Variants in DCLK1 observed in about 807,000 individuals in gnomAD.
The protein encoded by DCLK1 is serine/threonine-protein kinase DCLK1.
Under a neutral mutation model 86.2 loss-of-function variants are expected in DCLK1, and 16 were observed. That is an observed-to-expected ratio of 0.19 (90% confidence interval 0.13 to 0.28). DCLK1 has a LOEUF of 0.28. DCLK1 is among the 10% of genes least tolerant of loss of function. The pLI, the probability that DCLK1 is intolerant of heterozygous loss-of-function variation, is 1.00. For synonymous variants in DCLK1, 369 were observed against 370.5 expected (o/e 1.00, Z 0.05); for missense variants, 590 against 940.2 (o/e 0.63, Z 4.87).
At chr13:35,872,312 G>A (rs1872328076) in intron 4 of DCLK1, among the ~76,000 whole-genome samples, 1 of 152,132 alleles carries the variant, frequency 6.6e-6, no homozygotes, top group Non-Finnish European at 1.5e-5. Context: ...TTTTGTCTAT[G>A]CATTTATATA....
At chr13:36,006,815 C>T (rs1205690985) in intron 3 of DCLK1, among the ~76,000 whole-genome samples, 3 of 152,186 alleles carry the variant, frequency 2.0e-5, no homozygotes, top group Non-Finnish European at 4.4e-5. Context: ...AAGTAACTTA[C>T]AGGTTCTTAG....
chr13:35,806,797 G>A (rs184383420), intron 14 of DCLK1, among the ~76,000 whole-genome samples: 10 of 152,322 alleles, frequency 6.6e-5, no homozygotes, highest in African/African-American at 1.7e-4. Flanking sequence ...GAGCTGGACA[G>A]GTTCCTGAAG....
At chr13:36,014,604 G>T (rs940759753) in intron 3 of DCLK1, among the ~76,000 whole-genome samples, 2 of 152,110 alleles carry the variant, frequency 1.3e-5, no homozygotes, top group Non-Finnish European at 2.9e-5. Context: ...CAAACCATTT[G>T]CAATCTCTTG....
intron 3 of DCLK1, among the ~76,000 whole-genome samples, chr13:36,103,053 G>C (rs1044628364): frequency 6.6e-6 from 1 of 152,156 alleles, no homozygotes; most frequent in African/African-American, 2.4e-5. Flanking sequence ...ACACAGAGTG[G>C]GATCTGTGGG....
At chr13:35,915,683 G>A (rs1875362594) in intron 4 of DCLK1, among the ~76,000 whole-genome samples, 1 of 152,156 alleles carries the variant, frequency 6.6e-6, no homozygotes. Context: ...CAGCCTGGGT[G>A]ACCCTGAGAC....
Position 35,848,236 on chromosome 13 carries a change from A to G in DCLK1, c.1035+6263T>C, listed in dbSNP as rs554480287. On this transcript the variant is annotated intron_variant, in intron 6 of 16. Transcript: ENST00000360631. ...CCGAATTTTTTTTATAAAGAATTCT[A>G]TAAGTAACTCAATCATAAGTGCCTA... 26 of 985,138 alleles carry G rather than the reference A, an allele frequency of 2.6e-5. No homozygotes were observed. In the Middle Eastern group the frequency reaches 1.6e-3, roughly 59 times the overall value. 61.0% of individuals were successfully genotyped at this position (985,138 alleles called of 1,614,324 possible).
At chr13:36,055,317 C>A (rs1305562562) in intron 3 of DCLK1, among the ~76,000 whole-genome samples, 1 of 152,124 alleles carries the variant, frequency 6.6e-6, no homozygotes, top group African/African-American at 2.4e-5. Context: ...TGCTCCTCTG[C>A]CCTCTGTTGT....
intron 3 of DCLK1, among the ~76,000 whole-genome samples, chr13:36,050,936 A>G (rs1883100041): frequency 6.6e-6 from 1 of 152,146 alleles, no homozygotes. Context: ...AAAAAACATG[A>G]AAAGTTAAAC....
chr13:36,112,941 G>C (rs1013324725), intron 2 of DCLK1, among the ~76,000 whole-genome samples: 2 of 152,136 alleles, frequency 1.3e-5, no homozygotes, highest in African/African-American at 4.8e-5. Context: ...AAAATAATCA[G>C]ACTATTAAGT....
chr13:36,019,249 A>T (rs1038590864), intron 3 of DCLK1, among the ~76,000 whole-genome samples: 5 of 152,150 alleles, frequency 3.3e-5, no homozygotes, highest in Admixed American at 3.3e-4. Flanking sequence ...TCCTGTGATT[A>T]AAAACAAACT....
At chr13:35,930,615 CAAAAACAAACAAAAACAAA>C (rs1335954890) in intron 4 of DCLK1, among the ~76,000 whole-genome samples, 2 of 150,644 alleles carry the variant, frequency 1.3e-5, no homozygotes, top group Non-Finnish European at 2.9e-5. Flanking sequence ...AACAAACAAA[CAAAAACAAACAAAAACAAA>C]AAAAACAAAG....
At chr13:35,826,523 C>CAAAAAAA (rs533243711) in intron 10 of DCLK1, among the ~76,000 whole-genome samples, 1 of 19,820 alleles carries the variant, frequency 5.0e-5, no homozygotes, top group African/African-American at 1.3e-4. Context: ...AACTCCATCT[C>CAAAAAAA]AAAAAAAAAA....
intron 3 of DCLK1, among the ~76,000 whole-genome samples, chr13:36,106,475 G>C (rs896132265): frequency 2.6e-5 from 4 of 152,126 alleles, no homozygotes; most frequent in African/African-American, 9.7e-5. Flanking sequence ...ATTTTAATTT[G>C]ACATTTTAAA....
At chr13:36,119,786 G>A (rs150695530) in intron 2 of DCLK1, among the ~76,000 whole-genome samples, 209 of 152,264 alleles carry the variant, frequency 1.4e-3, no homozygotes, top group African/African-American at 4.6e-3. Context: ...ACAACTAAAT[G>A]CAATGTGTGA....
chr13:35,977,174 T>C (rs1299371319), intron 3 of DCLK1, among the ~76,000 whole-genome samples: 2 of 152,236 alleles, frequency 1.3e-5, no homozygotes, highest in Non-Finnish European at 2.9e-5. Flanking sequence ...TTATCAACTG[T>C]TCCAAATATA....
chr13:35,779,869 A>G (rs767993026), intron 16 of DCLK1, among the ~76,000 whole-genome samples: 10 of 152,140 alleles, frequency 6.6e-5, no homozygotes. Flanking sequence ...TAGCCCATAT[A>G]TGCAGTTTGG....
chr13:35,912,069 C>T (rs560674449), intron 4 of DCLK1, among the ~76,000 whole-genome samples: 13 of 152,248 alleles, frequency 8.5e-5, no homozygotes, highest in African/African-American at 3.1e-4. Flanking sequence ...TCATACAGCG[C>T]CTGCCCCACA....
At chr13:35,920,075 G>A (rs1228285101) in intron 4 of DCLK1, among the ~76,000 whole-genome samples, 1 of 152,032 alleles carries the variant, frequency 6.6e-6, no homozygotes, top group Non-Finnish European at 1.5e-5. Flanking sequence ...TGTGATCCTC[G>A]TGTTTCAAAC....
chr13:35,958,084 T>C (rs1461746629), intron 3 of DCLK1, among the ~76,000 whole-genome samples: 5 of 22,914 alleles, frequency 2.2e-4, no homozygotes, highest in South Asian at 1.1e-3. Context: ...ACCACTACTA[T>C]AACCATCACC....
Sources: gnomAD v4.1 joint callset for allele counts (sites outside exome capture counted in the v4.1 genomes callset) on GRCh38, gnomAD v4.1.1 for gene constraint, MANE v1.5 for transcripts, NCBI Gene and HGNC (gene_info 2026-07-23, HGNC 2026-07-21) for gene names.